Variants in SYTL1 observed in about 807,000 individuals in gnomAD.
SYTL1 encodes the protein synaptotagmin-like protein 1.
Under a neutral mutation model 74.6 loss-of-function variants are expected in SYTL1, and 53 were observed. That is an observed-to-expected ratio of 0.71 (90% CI 0.57 to 0.89). SYTL1 has a LOEUF of 0.89. Ranked by LOEUF, SYTL1 falls within the 40% of genes least tolerant of loss-of-function variation. SYTL1 has a pLI of 0.00. For synonymous variants in SYTL1, 329 were observed against 324.9 expected, an observed-to-expected ratio of 1.01 and a Z score of -0.14; for missense variants, 728 against 768.7, an observed-to-expected ratio of 0.95 and a Z score of 0.63.
intron 6 of SYTL1, 88 bp downstream of exon 6, chr1:27,349,240 C>A: frequency 6.6e-7 from 1 of 1,513,022 alleles, no homozygotes; most frequent in Non-Finnish European, 9.0e-7. Context: ...TGTTCACCCT[C>A]GTCACCCCCA....
In SYTL1 at chr1:27,342,654, A is replaced by G. The variant is rs2014821499; in HGVS notation, c.-39+504A>G. 6.6e-6 allele frequency among the ~76,000 whole-genome samples: 1 copy of G among 152,204 alleles called. No homozygotes were observed. ...CACCCCACACGGCGCTGTCACCTAGAAAGTCACTGAACACACCACACAGAC... is the reference window on the plus strand; with the variant it reads ...CACCCCACACGGCGCTGTCACCTAGGAAGTCACTGAACACACCACACAGAC... On this transcript the variant is annotated intron_variant, in intron 1 of 14. Coordinates refer to ENST00000616558, the MANE Select transcript of SYTL1 (RefSeq NM_001193308.2). The surrounding 1 kb of genome is among the most constrained non-coding windows in gnomAD (Gnocchi z 4.7).
In SYTL1 at chr1:27,353,863, CCT is replaced by C. The variant is rs773706083; in HGVS notation, c.*20_*21del. 7.5e-6 allele frequency: 12 copies of C among 1,610,428 alleles called. No individual in the cohort carries two copies. The highest frequency in any genetic ancestry group is 7.6e-6 in the Non-Finnish European group (9 of 1,177,210). Reference sequence around the variant, plus strand: ...GCCCCCAGGACGTAGCCCCACCAAGCCTCTCTCTCTGGACCCCCATCTCAGGG... The same window carrying C: ...GCCCCCAGGACGTAGCCCCACCAAGCCTCTCTCTGGACCCCCATCTCAGGG... On this transcript the variant is annotated 3_prime_UTR_variant, in exon 15 of 15. Coordinates refer to ENST00000616558, the MANE Select transcript of SYTL1 (RefSeq NM_001193308.2).
Position 27,351,501 on chromosome 1 carries a change from A to AG in SYTL1, c.1291dup (p.Ala431GlyfsTer23). 1 of 1,549,130 alleles carries AG rather than the reference A, an allele frequency of 6.5e-7. No homozygotes were observed. On this transcript the variant is annotated frameshift_variant, in exon 13 of 15. Coordinates refer to ENST00000616558, the MANE Select transcript of SYTL1 (RefSeq NM_001193308.2). LOFTEE classifies it high-confidence loss of function. This position sits in a 1 kb window ranked among gnomAD's most constrained non-coding sequence, Gnocchi z 5.0. ...GGGGAGCTGCACTTCTGGGTGAAGG[A>AG]GGCTCGGGACCTCCTGCCGCTGCGG...
Position 27,351,324 on chromosome 1 carries a change from GCCGGCTCCGAGGGT to G in SYTL1, c.1232_1243+2del. 6.4e-7 allele frequency: 1 copy of G among 1,556,058 alleles called. No homozygotes were observed. Among genetic ancestry groups the G allele is most frequent in the Non-Finnish European group, 8.7e-7 (1 of 1,150,470 alleles). ...CGCCCTGTCCCTCAAGTACGTCCCCGCCGGCTCCGAGGGTGAGTGACAGCCGGAGAGGCCAAGCT... is the reference window on the plus strand; with the variant it reads ...CGCCCTGTCCCTCAAGTACGTCCCCGGAGTGACAGCCGGAGAGGCCAAGCT... On this transcript the variant is annotated splice_donor_variant and coding_sequence_variant, in exon 12 of 15. Transcript: ENST00000616558. LOFTEE classifies it high-confidence loss of function. The surrounding 1 kb of genome is among the most constrained non-coding windows in gnomAD (Gnocchi z 5.0).
chr1:27,347,021 C>T lies in SYTL1; in HGVS notation c.192-400C>T, dbSNP rs1216592821. Among the ~76,000 whole-genome samples the T allele has an allele frequency of 6.6e-6, 1 of 151,828 alleles. No individual in the cohort carries two copies. The highest frequency in any genetic ancestry group is 1.5e-5 in the Non-Finnish European group (1 of 67,988). ...CCTGTAGTCCCAGCTACTCAGGAGGCTGAGGTGGGAGGATCACTTGAGCCT... is the reference window on the plus strand; with the variant it reads ...CCTGTAGTCCCAGCTACTCAGGAGGTTGAGGTGGGAGGATCACTTGAGCCT... On this transcript the variant is annotated intron_variant, in intron 2 of 14. Transcript: ENST00000616558. This position sits in a 1 kb window ranked among gnomAD's most constrained non-coding sequence, Gnocchi z 4.9.
chr1:27,345,780 C>G lies in SYTL1; in HGVS notation c.191+255C>G, dbSNP rs1335907844. Among the ~76,000 whole-genome samples the G allele has an allele frequency of 1.4e-5, 2 of 144,984 alleles. No individual in the cohort carries two copies. The highest frequency in any genetic ancestry group is 2.5e-5 in the African/African-American group (1 of 39,716). On this transcript the variant is annotated intron_variant, in intron 2 of 14. Transcript: ENST00000616558. This position sits in a 1 kb window ranked among gnomAD's most constrained non-coding sequence, Gnocchi z 6.0. ...AGCTGGTGCTCCCCAGATCTGTCTG[C>G]TTTTTTTTTTTTTTCTTGAGACAGA...
rs746851793 is a variant in SYTL1, at chr1:27,353,453, G to A, written c.1514G>A (p.Arg505His). ...TGGGACCATGGGGCCCTGGCCAACC[G>A]CCAGCTGGGGGGCACACGCCTCAGC... The part of the protein sequence containing the change: ...SLWDHGALAN[R>H]QLGGTRLSLG... Residue 505 changes from arginine to histidine, a missense_variant, in exon 14 of 15, where the codon CGC (arginine) becomes CAC (histidine). Arg to His is a conservative substitution (Grantham distance 29). Coordinates refer to ENST00000616558, the MANE Select transcript of SYTL1 (RefSeq NM_001193308.2). 1.7e-5 allele frequency: 27 copies of A among 1,607,976 alleles called. No homozygotes were observed. The highest frequency in any genetic ancestry group is 2.1e-5 in the Non-Finnish European group (25 of 1,177,960).
rs2015295131 is a variant in SYTL1 at position 27,351,937 on chromosome 1, G to A, written c.1343+382G>A. On this transcript the variant is annotated intron_variant, in intron 13 of 14. Transcript: ENST00000616558. The surrounding 1 kb of genome is among the most constrained non-coding windows in gnomAD (Gnocchi z 5.0). ...CTGTTAGAGAGTGAAATGGAGGTGGGCGGGTCACTTCTGGGTGTCCACTCT... is the reference window on the plus strand; with the variant it reads ...CTGTTAGAGAGTGAAATGGAGGTGGACGGGTCACTTCTGGGTGTCCACTCT... 1 of 183,868 alleles carries A rather than the reference G, an allele frequency of 5.4e-6. No individual in the cohort carries two copies. The highest frequency in any genetic ancestry group is 2.3e-5 in the African/African-American group (1 of 42,668). 11.4% of individuals were successfully genotyped at this position (183,868 alleles called of 1,614,324 possible). A position where few individuals can be genotyped will look rare whatever the true frequency, so the allele number is the denominator to read the frequency against.
In SYTL1 at chr1:27,348,065, T is replaced by G; in HGVS notation, c.459+53T>G. On this transcript the variant is annotated intron_variant, in intron 5 of 14. Transcript: ENST00000616558. This position sits in a 1 kb window ranked among gnomAD's most constrained non-coding sequence, Gnocchi z 4.1. ...CAGTGTCCCTGGAGGGGAGGTGGAA[T>G]GTGCAGGGGGCAGGGGGGAAAGAGC... The G allele has an allele frequency of 1.9e-6, 3 of 1,575,050 alleles. No homozygotes were observed. In the South Asian group the frequency reaches 3.3e-5, roughly 17 times the overall value.
Position 27,345,492 on chromosome 1 carries a change from C to T in SYTL1, c.158C>T (p.Ala53Val), listed in dbSNP as rs1379309932. ...ATTGCTGGCGTCCTCCAACGAGATG[C>T]CCGCCTGCGCCAGCTGGAGGAGGGG... ...EAIAGVLQRD[A>V]RLRQLEEGRV... Residue 53 changes from alanine to valine, a missense_variant, in exon 2 of 15, where the codon GCC becomes GTC. Ala to Val is a moderately conservative substitution (Grantham distance 64). Transcript: ENST00000616558. The surrounding 1 kb of genome is among the most constrained non-coding windows in gnomAD (Gnocchi z 6.0). The T allele has an allele frequency of 6.4e-7, 1 of 1,557,596 alleles. No individual in the cohort carries two copies. Among genetic ancestry groups the T allele is most frequent in the Non-Finnish European group, 8.7e-7 (1 of 1,149,998 alleles).
At chr1:27,349,621 AG>A in intron 7 of SYTL1, 30 bp from the exon 8 acceptor site, 1 of 1,575,492 alleles carries the variant, frequency 6.3e-7, no homozygotes, top group Non-Finnish European at 8.6e-7. Flanking sequence ...TGGGGAAAGA[AG>A]GGGCGCCCCG....
chr1:27,345,213 G>A lies in SYTL1; in HGVS notation c.-38-84G>A. 1.3e-6 allele frequency: 1 copy of A among 755,862 alleles called. No individual in the cohort carries two copies. The highest frequency in any genetic ancestry group is 2.2e-5 in the South Asian group (1 of 45,248). 46.8% of individuals were successfully genotyped at this position (755,862 alleles called of 1,614,324 possible). On this transcript the variant is annotated intron_variant, in intron 1 of 14. Transcript: ENST00000616558. This position sits in a 1 kb window ranked among gnomAD's most constrained non-coding sequence, Gnocchi z 6.0. ...TGGCACCCTACCCATACCCGGCCAA[G>A]TGTTTGGGGAGAAAAGGGCTGTTGG...
chr1:27,353,673 A>G, intron 14 of SYTL1, 40 bp from the exon 15 acceptor site: 2 of 1,598,038 alleles, frequency 1.3e-6, no homozygotes, highest in Admixed American at 3.4e-5. Flanking sequence ...CAAGGTGTCC[A>G]GTGTGATCAT....
Position 27,350,654 on chromosome 1 carries a change from G to T in SYTL1, c.1006-140G>T. The T allele has an allele frequency of 1.8e-6, 2 of 1,119,602 alleles. No homozygotes were observed. The highest frequency in any genetic ancestry group is 2.6e-6 in the Non-Finnish European group (2 of 779,770). The allele number at this position is 1,119,602 out of a possible 1,614,324, so 69.4% of individuals were successfully genotyped here. A position where few individuals can be genotyped will look rare whatever the true frequency, so the allele number is the denominator to read the frequency against. ...GCCTCGTGGTGGGCGTGGTGATAGTGCAGGTCCCCATTAATGCCCTTAGGG... is the reference window on the plus strand; with the variant it reads ...GCCTCGTGGTGGGCGTGGTGATAGTTCAGGTCCCCATTAATGCCCTTAGGG... On this transcript the variant is annotated intron_variant, in intron 10 of 14. Coordinates refer to ENST00000616558, the MANE Select transcript of SYTL1 (RefSeq NM_001193308.2). This position sits in a 1 kb window ranked among gnomAD's most constrained non-coding sequence, Gnocchi z 6.3.
chr1:27,349,760 T>G lies in SYTL1; in HGVS notation c.742T>G (p.Ser248Ala). The change falls in exon 8 of 15, where the codon TCC becomes GCC. Residue 248 changes from serine (S) to alanine (A), a missense_variant. Coordinates refer to ENST00000616558, the MANE Select transcript of SYTL1 (RefSeq NM_001193308.2). ...SSSSVSSLNS[S>A]TLSGSQMSLS... ...CTCCTCGGTGTCCAGCCTTAACTCCTCCACGGTGAGGCGGGAGGGAGGGGA... is the reference window on the plus strand; with the variant it reads ...CTCCTCGGTGTCCAGCCTTAACTCCGCCACGGTGAGGCGGGAGGGAGGGGA... 1 of 1,600,158 alleles carries G rather than the reference T, an allele frequency of 6.2e-7. No homozygotes were observed. Among genetic ancestry groups the G allele is most frequent in the Non-Finnish European group, 8.5e-7 (1 of 1,177,472 alleles).
rs541295300 is a variant in SYTL1 at position 27,353,908 on chromosome 1, T to C, written c.*56T>C. 1.2e-5 allele frequency: 18 copies of C among 1,513,496 alleles called. No individual in the cohort carries two copies. The South Asian group carries it at 2.1e-4, about 18-fold the overall frequency. 93.8% of individuals were successfully genotyped at this position (1,513,496 alleles called of 1,614,324 possible). A position where few individuals can be genotyped will look rare whatever the true frequency, so the allele number is the denominator to read the frequency against. On this transcript the variant is annotated 3_prime_UTR_variant, in exon 15 of 15. Coordinates refer to ENST00000616558, the MANE Select transcript of SYTL1 (RefSeq NM_001193308.2). Reference sequence around the variant, plus strand: ...TCTCAGGGCCTGCCCTTGGCTAAAGTCAATAAAGTCTATTCTAAGAGCAAT... The same window carrying C: ...TCTCAGGGCCTGCCCTTGGCTAAAGCCAATAAAGTCTATTCTAAGAGCAAT...
rs1384607548 is a variant in SYTL1 at position 27,353,497 on chromosome 1, G to A, written c.1549+9G>A. On this transcript the variant is annotated intron_variant, in intron 14 of 14. Transcript: ENST00000616558. ...CCTCAGCCTGGGCACCGGTAAGTGG[G>A]ACAGCACCCTGAGACAGGCCCTGGG... is the stretch of plus-strand genomic sequence containing the variant. 1.9e-6 allele frequency: 3 copies of A among 1,590,524 alleles called. No homozygotes were observed. The highest frequency in any genetic ancestry group is 1.7e-6 in the Non-Finnish European group (2 of 1,169,096).
rs1355930072 is a variant in SYTL1 at position 27,349,632 on chromosome 1, G to A, written c.634-20G>A. 2 of 1,590,072 alleles carry A rather than the reference G, an allele frequency of 1.3e-6. No individual in the cohort carries two copies. Among genetic ancestry groups the A allele is most frequent in the Middle Eastern group, 1.7e-4 (1 of 6,006 alleles). ...GGGGTGGGGAAAGAAGGGGCGCCCCGTCACTTGCCCCCTCTGCAGACCAAG... is the reference window on the plus strand; with the variant it reads ...GGGGTGGGGAAAGAAGGGGCGCCCCATCACTTGCCCCCTCTGCAGACCAAG... On this transcript the variant is annotated intron_variant, in intron 7 of 14. Transcript: ENST00000616558.
rs1400064064 is a variant in SYTL1 at position 27,347,773 on chromosome 1, C to T, written c.341-35C>T. The T allele has an allele frequency of 1.3e-6, 2 of 1,599,294 alleles. No individual in the cohort carries two copies. Among genetic ancestry groups the T allele is most frequent in the Non-Finnish European group, 1.7e-6 (2 of 1,172,488 alleles). On this transcript the variant is annotated intron_variant, in intron 3 of 14. Transcript: ENST00000616558. This position sits in a 1 kb window ranked among gnomAD's most constrained non-coding sequence, Gnocchi z 4.9. ...CCGAGTCACAGCCAGGCTTCCTGAG[C>T]ATGGGGGCTCACAGAACTTCTCACC...
Sources: allele counts gnomAD v4.1 joint callset (sites outside exome capture counted in the v4.1 genomes callset), GRCh38; gene constraint gnomAD v4.1.1; non-coding constraint Gnocchi (gnomAD v3.1); transcripts MANE v1.5; gene names NCBI Gene and HGNC (gene_info 2026-07-23, HGNC 2026-07-21).